The following CCBE1 variants were observed in gnomAD, a reference collection of about 807,000 sequenced individuals.
CCBE1 encodes the protein collagen and calcium binding EGF domains 1, also known as collagen and calcium-binding EGF domain-containing protein 1.
In CCBE1, 37 loss-of-function variants were observed where a neutral mutation model predicts 50.0. That is an observed-to-expected ratio of 0.74 (90% CI 0.57 to 0.97). The LOEUF (loss-of-function observed/expected upper bound fraction) is 0.97. Ranked by LOEUF, CCBE1 falls within the 50% of genes least tolerant of loss-of-function variation. The pLI is 0.00. For synonymous variants in CCBE1, 234 were observed against 203.7 expected (o/e 1.15, Z -1.27); for missense variants, 538 against 523.8 (o/e 1.03, Z -0.26).
At chr18:59,512,271 A>G (rs1193418547) in intron 2 of CCBE1, among the ~76,000 whole-genome samples, 1 of 152,228 alleles carries the variant, frequency 6.6e-6, no homozygotes, top group Non-Finnish European at 1.5e-5. Flanking sequence ...CAAGCCACCT[A>G]TAGATGGCAA....
At chr18:59,506,052 T>C (rs9636035) in intron 2 of CCBE1, among the ~76,000 whole-genome samples, 3,303 of 152,256 alleles carry the variant, frequency 0.022, 143 homozygotes, top group East Asian at 0.2. Context: ...AACCTCAGAA[T>C]GTGGTCTTAT....
chr18:59,607,732 C>T (rs2053517742), intron 2 of CCBE1, among the ~76,000 whole-genome samples: 1 of 152,180 alleles, frequency 6.6e-6, no homozygotes, highest in African/African-American at 2.4e-5. Context: ...TCCTGTGTGA[C>T]ACTGATTATT....
At chr18:59,631,812 A>C (rs2053852730) in intron 2 of CCBE1, among the ~76,000 whole-genome samples, 1 of 152,186 alleles carries the variant, frequency 6.6e-6, no homozygotes, top group African/African-American at 2.4e-5. Context: ...GGGGTCTGAC[A>C]AACTGACTAG....
intron 2 of CCBE1, among the ~76,000 whole-genome samples, chr18:59,535,048 C>G (rs565556461): frequency 6.6e-6 from 1 of 152,144 alleles, no homozygotes; most frequent in Admixed American, 6.5e-5. Flanking sequence ...CCCAATTTCC[C>G]CAAATAATAT....
chr18:59,571,081 G>A (rs182075808), intron 2 of CCBE1, among the ~76,000 whole-genome samples: 179 of 152,282 alleles, frequency 1.2e-3, no homozygotes, highest in Middle Eastern at 3.4e-3. Flanking sequence ...GTCCCTAGGA[G>A]TGAAATGTGC....
intron 2 of CCBE1, among the ~76,000 whole-genome samples, chr18:59,597,727 C>T (rs2053374487): frequency 6.6e-6 from 1 of 152,140 alleles, no homozygotes; most frequent in Admixed American, 6.5e-5. Context: ...TTGGTCTCTG[C>T]CCACCTCTGT....
chr18:59,640,268 TGATACCAAAACA>T (rs1464329601), intron 2 of CCBE1, among the ~76,000 whole-genome samples: 1 of 152,188 alleles, frequency 6.6e-6, no homozygotes, highest in African/African-American at 2.4e-5. Context: ...AGCATGGTGC[TGATACCAAAACA>T]GATACACAGA....
At chr18:59,499,497 G>A (rs1913514671) in intron 2 of CCBE1, among the ~76,000 whole-genome samples, 1 of 152,166 alleles carries the variant, frequency 6.6e-6, no homozygotes, top group Non-Finnish European at 1.5e-5. Context: ...TCACAATCAT[G>A]GCAGAAGGCA....
intron 2 of CCBE1, among the ~76,000 whole-genome samples, chr18:59,601,029 T>G (rs1462766424): frequency 2.9e-5 from 3 of 103,102 alleles, no homozygotes; most frequent in Non-Finnish European, 6.0e-5. Flanking sequence ...TTTTTTTTTT[T>G]TTTTTTTTTT....
chr18:59,608,616 A>G (rs886361295), intron 2 of CCBE1, among the ~76,000 whole-genome samples: 7 of 152,228 alleles, frequency 4.6e-5, no homozygotes, highest in Non-Finnish European at 1.0e-4. Context: ...AAGAGAGGTA[A>G]GAATTTTCAA....
chr18:59,447,687 G>C (rs980989455), intron 7 of CCBE1, among the ~76,000 whole-genome samples: 2 of 152,120 alleles, frequency 1.3e-5, no homozygotes, highest in Non-Finnish European at 2.9e-5. Context: ...TCCAGAAAAA[G>C]GTTTAAGATA....
At chr18:59,669,929 T>A (rs1429776536) in intron 2 of CCBE1, among the ~76,000 whole-genome samples, 1 of 152,148 alleles carries the variant, frequency 6.6e-6, no homozygotes, top group Non-Finnish European at 1.5e-5. Context: ...CTCAAAAAAA[T>A]TGCATCCATG....
chr18:59,543,087 T>C (rs376679901), intron 2 of CCBE1, among the ~76,000 whole-genome samples: 2 of 152,338 alleles, frequency 1.3e-5, no homozygotes, highest in East Asian at 3.9e-4. Flanking sequence ...CGGGAAGCCT[T>C]GGATTGCTCT....
rs12970005 is a variant in CCBE1, at chr18:59,463,633, C to T, written c.553+3106G>A. On this transcript the variant is annotated intron_variant, in intron 5 of 10. Transcript: ENST00000439986. ...CATTGCTAGTGATGGTTGGTCTCCC[C>T]GCAGGCCACTCTCCCTCACAGGCAG... Among the ~76,000 whole-genome samples, 3,219 of 151,468 alleles carry T rather than the reference C, an allele frequency of 0.021. 178 individuals are homozygous for T. In the East Asian group the frequency reaches 0.24, roughly 11 times the overall value.
chr18:59,687,065 A>G (rs1256710563), intron 2 of CCBE1, among the ~76,000 whole-genome samples: 2 of 152,186 alleles, frequency 1.3e-5, no homozygotes, highest in African/African-American at 4.8e-5. Context: ...TCTACCATGC[A>G]ATTTCACACC....
chr18:59,484,377 T>C lies in CCBE1; in HGVS notation c.213-4139A>G, dbSNP rs369779003. Among the ~76,000 whole-genome samples the C allele has an allele frequency of 4.6e-5, 7 of 152,358 alleles. 2 individuals carry two copies. The South Asian group carries it at 1.4e-3, about 32-fold the overall frequency. ...TATGGTTTTATTTGTCTGTTTCTAT[T>C]TTAATGCTGCATTTAAGATACAACC... On this transcript the variant is annotated intron_variant, in intron 2 of 10. Coordinates refer to ENST00000439986, the MANE Select transcript of CCBE1 (RefSeq NM_133459.4).
intron 3 of CCBE1, among the ~76,000 whole-genome samples, chr18:59,472,156 C>T (rs1912063781): frequency 6.6e-6 from 1 of 152,224 alleles, no homozygotes; most frequent in African/African-American, 2.4e-5. Context: ...GTAACTTCCT[C>T]TGAGTTCTGA....
chr18:59,498,399 G>A (rs1447871849), intron 2 of CCBE1, among the ~76,000 whole-genome samples: 4 of 152,210 alleles, frequency 2.6e-5, no homozygotes, highest in Non-Finnish European at 4.4e-5. Flanking sequence ...CTGTTTCGCA[G>A]ACAGAAGTCC....
intron 2 of CCBE1, among the ~76,000 whole-genome samples, chr18:59,682,148 G>A (rs2054598179): frequency 6.6e-6 from 1 of 152,220 alleles, no homozygotes; most frequent in Non-Finnish European, 1.5e-5. Context: ...CAGATCATGA[G>A]GTCTAGAAAT....
Sources: allele counts gnomAD v4.1 joint callset (sites outside exome capture counted in the v4.1 genomes callset), GRCh38; gene constraint gnomAD v4.1.1; transcripts MANE v1.5; gene names NCBI Gene and HGNC (gene_info 2026-07-23, HGNC 2026-07-21).